TAF3: variants seen among roughly 807,000 people sequenced by gnomAD.
TAF3 encodes the protein TATA-box binding protein associated factor 3.
Under a neutral mutation model 80.6 loss-of-function variants are expected in TAF3, and 7 were observed. That is an observed-to-expected ratio of 0.09 (90% CI 0.05 to 0.16). TAF3 has a LOEUF of 0.16. TAF3 is among the 10% of genes least tolerant of loss of function. The pLI, the probability that TAF3 is intolerant of heterozygous loss-of-function variation, is 1.00. For missense variants in TAF3, 921 were observed against 1,140.2 expected (o/e 0.81, Z 2.77); for synonymous variants, 444 against 446.1 (o/e 1.00, Z 0.06).
chr10:7,973,835 A>C (rs557952600), intron 3 of TAF3, among the ~76,000 whole-genome samples: 1 of 152,198 alleles, frequency 6.6e-6, no homozygotes, highest in South Asian at 2.1e-4. Flanking sequence ...CATTTAAAAA[A>C]TATATTGGAG....
At chr10:7,873,297 T>C (rs565211512) in intron 2 of TAF3, among the ~76,000 whole-genome samples, 1 of 152,284 alleles carries the variant, frequency 6.6e-6, no homozygotes, top group Admixed American at 6.5e-5. Context: ...TGTGTTTCTC[T>C]CTAACAGACC....
chr10:7,949,872 C>G (rs1443214671), intron 2 of TAF3, among the ~76,000 whole-genome samples: 1 of 152,200 alleles, frequency 6.6e-6, no homozygotes, highest in Non-Finnish European at 1.5e-5. Context: ...TCAAGTTCAC[C>G]CATCGGCAGG....
chr10:8,006,058 C>T lies in TAF3; in HGVS notation c.2316-3020C>T, dbSNP rs1588348071. On this transcript the variant is annotated intron_variant, in intron 4 of 6. Transcript: ENST00000344293. ...ATGAAAAACAAACAAGGCCGGGCAC[C>T]GTGGCTTACGCCTGTAATCTCAGCA... Among the ~76,000 whole-genome samples the T allele has an allele frequency of 2.6e-5, 4 of 152,032 alleles. No individual in the cohort carries two copies. The South Asian group carries it at 6.2e-4, about 24-fold the overall frequency.
intron 2 of TAF3, among the ~76,000 whole-genome samples, chr10:7,885,519 C>T (rs1325159646): frequency 2.0e-5 from 3 of 152,126 alleles, no homozygotes; most frequent in African/African-American, 2.4e-5. Flanking sequence ...CCCTCCTCAC[C>T]GAATCCTTTC....
intron 2 of TAF3, among the ~76,000 whole-genome samples, chr10:7,826,057 A>G (rs1401891820): frequency 6.6e-6 from 1 of 152,142 alleles, no homozygotes; most frequent in Non-Finnish European, 1.5e-5. Flanking sequence ...TGTCTCAGGA[A>G]GTATGTTTAA....
At chr10:7,926,599 C>T (rs1243852819) in intron 2 of TAF3, among the ~76,000 whole-genome samples, 1 of 152,148 alleles carries the variant, frequency 6.6e-6, no homozygotes. Context: ...TATGGAGGTT[C>T]AGCATTACAT....
chr10:7,981,780 T>A (rs546261693), intron 4 of TAF3, among the ~76,000 whole-genome samples: 67 of 152,314 alleles, frequency 4.4e-4, no homozygotes, highest in South Asian at 1.4e-3. Flanking sequence ...TCATTTACTT[T>A]TTTTTGTTGC....
At position 7,958,490 on chromosome 10, in the gene TAF3, A is replaced by AT. The variant is rs1307617939; in HGVS notation, c.410-5428dup. Among the ~76,000 whole-genome samples, 220 of 146,680 alleles carry AT rather than the reference A, an allele frequency of 1.5e-3. 4 individuals are homozygous for AT. Among genetic ancestry groups the AT allele is most frequent in the Non-Finnish European group, 3.9e-4 (26 of 65,986 alleles). ...CTCAGAAACATAATGTTGGGTAAAAATTAAAAAAAAAAATTATAGTATCAT... is the reference window on the plus strand; with the variant it reads ...CTCAGAAACATAATGTTGGGTAAAAATTTAAAAAAAAAAATTATAGTATCAT... On this transcript the variant is annotated intron_variant, in intron 2 of 6. Coordinates refer to ENST00000344293, the MANE Select transcript of TAF3 (RefSeq NM_031923.4).
chr10:8,010,608 T>A (rs892090294), intron 5 of TAF3, among the ~76,000 whole-genome samples: 2 of 152,176 alleles, frequency 1.3e-5, no homozygotes, highest in Non-Finnish European at 2.9e-5. Context: ...CCAAGCATGA[T>A]TTCAAATTGT....
Position 7,861,437 on chromosome 10 carries a change from C to T in TAF3, c.409+36877C>T, listed in dbSNP as rs375941676. Among the ~76,000 whole-genome samples the T allele has an allele frequency of 1.1e-4, 16 of 152,226 alleles. No homozygotes were observed. In the East Asian group the frequency reaches 1.9e-3, roughly 18 times the overall value. On this transcript the variant is annotated intron_variant, in intron 2 of 6. Transcript: ENST00000344293. ...AGCCTTTTCATCTTTGCATCTATTC[C>T]TTTTGACTAGATCCTAGTGATTGTT... is the stretch of plus-strand genomic sequence containing the variant.
intron 4 of TAF3, among the ~76,000 whole-genome samples, chr10:7,978,884 G>A (rs951552906): frequency 6.6e-6 from 1 of 152,166 alleles, no homozygotes; most frequent in Non-Finnish European, 1.5e-5. Flanking sequence ...TTTGTTAAAA[G>A]GCATTGAAAA....
intron 2 of TAF3, among the ~76,000 whole-genome samples, chr10:7,877,838 T>G (rs1837324351): frequency 6.6e-6 from 1 of 152,172 alleles, no homozygotes; most frequent in Non-Finnish European, 1.5e-5. Flanking sequence ...TCTGTGTCCC[T>G]CTCTCTCCTT....
intron 2 of TAF3, among the ~76,000 whole-genome samples, chr10:7,871,155 A>G (rs1390932702): frequency 6.6e-6 from 1 of 152,144 alleles, no homozygotes; most frequent in Non-Finnish European, 1.5e-5. Flanking sequence ...ATCATACAAT[A>G]TAAAATTCAA....
chr10:7,942,476 T>C (rs567553475), intron 2 of TAF3, among the ~76,000 whole-genome samples: 1 of 152,366 alleles, frequency 6.6e-6, no homozygotes, highest in African/African-American at 2.4e-5. Flanking sequence ...TTGCTTTATG[T>C]GAGTAACAGC....
intron 4 of TAF3, among the ~76,000 whole-genome samples, chr10:7,994,226 T>G (rs1588580147): frequency 6.6e-6 from 1 of 151,460 alleles, no homozygotes; most frequent in Admixed American, 6.6e-5. Flanking sequence ...TACTTTCTGG[T>G]AAAAAAAAAT....
intron 3 of TAF3, among the ~76,000 whole-genome samples, chr10:7,967,167 CAG>C (rs1190185846): frequency 1.3e-5 from 2 of 152,176 alleles, no homozygotes; most frequent in African/African-American, 4.8e-5. Context: ...AGTTACACTG[CAG>C]AGAGACTTCA....
chr10:7,973,262 A>G (rs568980469), intron 3 of TAF3, among the ~76,000 whole-genome samples: 3 of 152,376 alleles, frequency 2.0e-5, no homozygotes, highest in Admixed American at 2.0e-4. Context: ...CAACTCAATA[A>G]TAGTAGAGCA....
At chr10:7,823,691 G>A (rs1836711862) in intron 1 of TAF3, among the ~76,000 whole-genome samples, 1 of 148,160 alleles carries the variant, frequency 6.7e-6, no homozygotes, top group Non-Finnish European at 1.5e-5. Context: ...CTAGAGTGTA[G>A]TGGCACGATC....
rs562499774 is a variant in TAF3, at chr10:7,869,799, A to G, written c.409+45239A>G. Among the ~76,000 whole-genome samples the G allele has an allele frequency of 2.0e-5, 3 of 152,326 alleles. No individual in the cohort carries two copies. The South Asian group carries it at 6.2e-4, about 32-fold the overall frequency. On this transcript the variant is annotated intron_variant, in intron 2 of 6. Coordinates refer to ENST00000344293, the MANE Select transcript of TAF3 (RefSeq NM_031923.4). ...CATATTATCCTTTTTGATCTTTGGC[A>G]GACTGGTGAAAAATAGTTCTGTCTT...
Sources: allele counts gnomAD v4.1 joint callset (sites outside exome capture counted in the v4.1 genomes callset), GRCh38; gene constraint gnomAD v4.1.1; transcripts MANE v1.5; gene names NCBI Gene and HGNC (gene_info 2026-07-23, HGNC 2026-07-21).